ITGAL: variants seen among roughly 807,000 people sequenced by gnomAD.
ITGAL encodes the protein integrin alpha-L.
A neutral mutation model predicts 138.4 loss-of-function variants in ITGAL; 68 were observed. The ratio of observed to expected loss-of-function variants is 0.49; its 90% CI spans 0.40 to 0.60. The LOEUF is 0.60. Among genes scored for constraint, ITGAL ranks in the 20% least tolerant of loss-of-function variants. The pLI is 0.00. For synonymous variants in ITGAL, 561 were observed against 584.3 expected (o/e 0.96, Z 0.57); for missense variants, 1,256 against 1,478.6 (o/e 0.85, Z 2.47).
chr16:30,496,281 C>A lies in ITGAL; in HGVS notation c.1688C>A (p.Pro563His). 1 of 1,600,556 alleles carries A rather than the reference C, an allele frequency of 6.2e-7. No individual in the cohort carries two copies. The highest frequency in any genetic ancestry group is 1.1e-5 in the South Asian group (1 of 89,212). Residue 563 changes from proline to histidine, a missense_variant, in exon 14 of 31, where the codon CCC becomes CAC. Transcript: ENST00000356798. ...IFNGRHGGLS[P>H]QPSQRIEGTQ... ...AATGGGAGGCACGGGGGGCTTAGTCCCCAGCCAAGTCAGGTGACGTATGCT... is the reference window on the plus strand; with the variant it reads ...AATGGGAGGCACGGGGGGCTTAGTCACCAGCCAAGTCAGGTGACGTATGCT...
chr16:30,478,881 G>A (rs925833914), intron 4 of ITGAL, among the ~76,000 whole-genome samples: 10 of 152,012 alleles, frequency 6.6e-5, no homozygotes, highest in African/African-American at 1.2e-4. Flanking sequence ...TCCTACAGGC[G>A]GTGAGCATCC....
intron 4 of ITGAL, among the ~76,000 whole-genome samples, chr16:30,475,926 A>AT (rs2050464934): frequency 6.6e-6 from 1 of 151,516 alleles, no homozygotes; most frequent in Non-Finnish European, 1.5e-5. Flanking sequence ...TAATTTTTAT[A>AT]TTTTTTGTAG....
intron 9 of ITGAL, among the ~76,000 whole-genome samples, chr16:30,486,587 A>G (rs1156332538): frequency 1.3e-5 from 2 of 152,114 alleles, no homozygotes; most frequent in Non-Finnish European, 2.9e-5. Context: ...GCAATGTGAG[A>G]AAGGTGGAAT....
At chr16:30,491,355 C>G (rs542029824) in intron 11 of ITGAL, among the ~76,000 whole-genome samples, 1 of 150,866 alleles carries the variant, frequency 6.6e-6, no homozygotes, top group Admixed American at 6.6e-5. Flanking sequence ...GAGCCGAGAT[C>G]GTACCACTGC....
rs372013271 is a variant in ITGAL, at chr16:30,506,860, G to A, written c.2508+4G>A. 6,941 of 1,613,712 alleles carry A rather than the reference G, an allele frequency of 4.3e-3. 291 individuals are homozygous for A. In the South Asian group the frequency reaches 0.072, roughly 17 times the overall value. On this transcript the variant is annotated splice_donor_region_variant and intron_variant, in intron 21 of 30. Transcript: ENST00000356798. ...CCGCAAGGTGGAGATGCTGAAGGTG[G>A]GTGAGAGGACAGCGCCTGCCTGCGG...
Position 30,474,144 on chromosome 16 carries a change from G to C in ITGAL, c.62-52G>C. 4 of 1,377,386 alleles carry C rather than the reference G, an allele frequency of 2.9e-6. No individual in the cohort carries two copies. In the South Asian group the frequency reaches 4.9e-5, roughly 17 times the overall value. 85.3% of individuals were successfully genotyped at this position (1,377,386 alleles called of 1,614,324 possible). A position where few individuals can be genotyped will look rare whatever the true frequency, so the allele number is the denominator to read the frequency against. ...CTGGGATCGGCCACCTGCTGGGCAC[G>C]TGCAGGGGCGGGGGTCCCTCGGTCG... On this transcript the variant is annotated intron_variant, in intron 1 of 30. Transcript: ENST00000356798.
At chr16:30,499,660 A>T (rs2050855629) in intron 17 of ITGAL, 171 bp downstream of exon 17, 4 of 234,776 alleles carry the variant, frequency 1.7e-5, no homozygotes, top group African/African-American at 6.6e-5. Context: ...TGTTTTTTTT[A>T]AATTATATAT....
Position 30,490,226 on chromosome 16 carries a change from T to TAAAAAA in ITGAL, c.1213+840_1213+841insAAAAAA, listed in dbSNP as rs780440564. Reference sequence around the variant, plus strand: ...CAAGATGACAGAGCGAGACTCCGTCTTAAAAAAAAAAAAAAAAAAAAGGCC... The same window carrying TAAAAAA: ...CAAGATGACAGAGCGAGACTCCGTCTAAAAAATAAAAAAAAAAAAAAAAAAAAGGCC... On this transcript the variant is annotated intron_variant, in intron 11 of 30. Transcript: ENST00000356798. Among the ~76,000 whole-genome samples, 3 of 115,174 alleles carry TAAAAAA rather than the reference T, an allele frequency of 2.6e-5. 1 individual carries two copies. Among genetic ancestry groups the TAAAAAA allele is most frequent in the African/African-American group, 3.3e-5 (1 of 29,946 alleles). The allele number at this position is 115,174 out of a possible 152,430, so 75.6% of individuals were successfully genotyped here.
In ITGAL at chr16:30,494,629, C is replaced by G. The variant is rs2050774337; in HGVS notation, c.1366-84C>G. The G allele has an allele frequency of 6.2e-6, 9 of 1,459,216 alleles. No individual in the cohort carries two copies. The highest frequency in any genetic ancestry group is 9.2e-7 in the Non-Finnish European group (1 of 1,087,854). The allele number at this position is 1,459,216 out of a possible 1,614,324, so 90.4% of individuals were successfully genotyped here. A position where few individuals can be genotyped will look rare whatever the true frequency, so the allele number is the denominator to read the frequency against. On this transcript the variant is annotated intron_variant, in intron 12 of 30. Transcript: ENST00000356798. The surrounding 1 kb of genome is among the most constrained non-coding windows in gnomAD (Gnocchi z 4.2). ...GGAACCTGCATTTGAGGGAGTGGCA[C>G]AAGATGAACACGGTACAGGTATCTC... is the stretch of plus-strand genomic sequence containing the variant.
chr16:30,493,878 C>G (rs563828835), intron 11 of ITGAL, among the ~76,000 whole-genome samples: 7 of 152,184 alleles, frequency 4.6e-5, no homozygotes, highest in African/African-American at 1.7e-4. Context: ...GGCAAGAGAG[C>G]GAGACTCTGT....
intron 9 of ITGAL, among the ~76,000 whole-genome samples, chr16:30,485,188 C>G (rs143689979): frequency 7.4e-6 from 1 of 134,712 alleles, no homozygotes; most frequent in Non-Finnish European, 1.6e-5. Context: ...CTCTCCTCCC[C>G]CCTTCCTCTC....
chr16:30,500,848 T>C (rs957249690), intron 17 of ITGAL, among the ~76,000 whole-genome samples: 2 of 151,896 alleles, frequency 1.3e-5, no homozygotes, highest in African/African-American at 4.8e-5. Context: ...CTACTAAAAA[T>C]ACAAAATTAG....
rs189829053 is a variant in ITGAL, at chr16:30,479,539, T to C, written c.576+78T>C. 7 of 1,427,086 alleles carry C rather than the reference T, an allele frequency of 4.9e-6. No individual in the cohort carries two copies. In the African/African-American group the frequency reaches 9.9e-5, roughly 20 times the overall value. The allele number at this position is 1,427,086 out of a possible 1,614,324, so 88.4% of individuals were successfully genotyped here. ...CTGACTTAAACCATGAAAGGAAATG[T>C]TAGTATGTGGAATCCTCAGAGCCTA... On this transcript the variant is annotated intron_variant, in intron 6 of 30. Transcript: ENST00000356798.
At position 30,521,685 on chromosome 16, in the gene ITGAL, A is replaced by G; in HGVS notation, c.*20A>G. On this transcript the variant is annotated 3_prime_UTR_variant, in exon 31 of 31. Coordinates refer to ENST00000356798, the MANE Select transcript of ITGAL (RefSeq NM_002209.3). The stretch of plus-strand genomic sequence containing the variant: ...GACTGAGTCCAGGCCTGTGAGGTGC[A>G]GAGTGCCCAGAACTGGACTCAGGAT... The G allele has an allele frequency of 6.2e-7, 1 of 1,610,938 alleles. No homozygotes were observed. Among genetic ancestry groups the G allele is most frequent in the Non-Finnish European group, 8.5e-7 (1 of 1,178,732 alleles).
chr16:30,487,292 T>C (rs553090364), intron 9 of ITGAL, among the ~76,000 whole-genome samples: 1 of 152,010 alleles, frequency 6.6e-6, no homozygotes, highest in Non-Finnish European at 1.5e-5. Flanking sequence ...GAGTTTCTAC[T>C]ATATTGCCCA....
At chr16:30,504,121 G>C in intron 17 of ITGAL, 54 bp from the exon 18 acceptor site, 1 of 1,328,910 alleles carries the variant, frequency 7.5e-7, no homozygotes, top group African/African-American at 1.4e-5. Flanking sequence ...CATCTAATCG[G>C]AAGTGCGGTA....
At chr16:30,489,498 T>A (rs750889679) in intron 11 of ITGAL, 112 bp downstream of exon 11, 3 of 1,034,426 alleles carry the variant, frequency 2.9e-6, no homozygotes, top group Non-Finnish European at 4.3e-6. Context: ...ATGAACAAAG[T>A]CAGAGTTTAA....
intron 9 of ITGAL, 157 bp from the exon 10 acceptor site, chr16:30,488,925 C>T (rs1245939561): frequency 4.6e-6 from 3 of 649,454 alleles, no homozygotes. Flanking sequence ...AAAGCCAACT[C>T]CGCATTAAGC....
In ITGAL at chr16:30,481,606, A is replaced by G. The variant is rs374175837; in HGVS notation, c.722+22A>G. Reference sequence around the variant, plus strand: ...TCGCGTGAGTTCCCTTTTGCAGGAGAGCACGTGTCCTGTGATTTGTTCTGG... The same window carrying G: ...TCGCGTGAGTTCCCTTTTGCAGGAGGGCACGTGTCCTGTGATTTGTTCTGG... On this transcript the variant is annotated intron_variant, in intron 7 of 30. Transcript: ENST00000356798. 1.3e-4 allele frequency: 217 copies of G among 1,612,296 alleles called. 2 individuals carry two copies. Among genetic ancestry groups the G allele is most frequent in the Middle Eastern group, 1.6e-4 (1 of 6,076 alleles).
Sources: allele counts gnomAD v4.1 joint callset (sites outside exome capture counted in the v4.1 genomes callset), GRCh38; gene constraint gnomAD v4.1.1; non-coding constraint Gnocchi (gnomAD v3.1); transcripts MANE v1.5; gene names NCBI Gene and HGNC (gene_info 2026-07-23, HGNC 2026-07-21).